BPTF: variants seen among roughly 807,000 people sequenced by gnomAD.
BPTF encodes bromodomain PHD finger transcription factor.
In BPTF, 18 loss-of-function variants were observed where a neutral mutation model predicts 292.5. The ratio of observed to expected loss-of-function variants is 0.06; its 90% CI spans 0.04 to 0.09. The LOEUF is 0.09. Ranked by LOEUF, BPTF falls within the 10% of genes least tolerant of loss-of-function variation. The pLI, the probability that BPTF is intolerant of heterozygous loss-of-function variation, is 1.00. For synonymous variants in BPTF, 1,225 were observed against 1,251.9 expected, an observed-to-expected ratio of 0.98 and a Z score of 0.45; for missense variants, 2,726 against 3,498.7, an observed-to-expected ratio of 0.78 and a Z score of 5.57.
intron 2 of BPTF, among the ~76,000 whole-genome samples, chr17:67,857,112 C>A (rs2058734510): frequency 1.3e-5 from 2 of 149,026 alleles, no homozygotes. Context: ...GTTACCATGT[C>A]TCCCCTACTT....
chr17:67,886,486 A>ATT (rs937682024), intron 4 of BPTF, among the ~76,000 whole-genome samples: 1 of 137,924 alleles, frequency 7.3e-6, no homozygotes, highest in African/African-American at 2.7e-5. Flanking sequence ...TTTATTTTTC[A>ATT]TTTTTTTTTT....
chr17:67,926,326 T>A (rs2063891128), intron 15 of BPTF, among the ~76,000 whole-genome samples: 1 of 123,952 alleles, frequency 8.1e-6, no homozygotes, highest in Admixed American at 7.8e-5. Context: ...CTTTTTTTTT[T>A]TTTTTTTTTT....
chr17:67,828,678 A>C (rs1276368704), intron 1 of BPTF, among the ~76,000 whole-genome samples: 1 of 152,098 alleles, frequency 6.6e-6, no homozygotes, highest in East Asian at 1.9e-4. Flanking sequence ...AAAGGCATGC[A>C]GCACCACGCC....
At position 67,976,691 on chromosome 17, in the gene BPTF, A is replaced by AT. The variant is rs1555694069; in HGVS notation, c.8726+733_8726+734insT. Among the ~76,000 whole-genome samples the AT allele has an allele frequency of 1.4e-3, 52 of 36,522 alleles. 1 individual carries two copies. Among genetic ancestry groups the AT allele is most frequent in the Middle Eastern group, 0.016 (1 of 64 alleles). 24.0% of individuals were successfully genotyped at this position (36,522 alleles called of 152,430 possible). On this transcript the variant is annotated intron_variant, in intron 27 of 27. Transcript: ENST00000306378. The stretch of plus-strand genomic sequence containing the variant: ...ACAGAGTGAGACCCTGTCTCAAAAA[A>AT]AAAAAAAAAAAAAAAAAAAAAAAAT...
chr17:67,873,992 CTGGATGGATGGATGGA>C (rs34261763), intron 3 of BPTF, among the ~76,000 whole-genome samples: 1 of 150,334 alleles, frequency 6.7e-6, no homozygotes, highest in African/African-American at 2.5e-5. Context: ...TAAGAAAATG[CTGGATGGATGGATGGA>C]TGGATGGATG....
chr17:67,827,798 T>G (rs1255612964), intron 1 of BPTF, among the ~76,000 whole-genome samples: 32 of 152,166 alleles, frequency 2.1e-4, no homozygotes, highest in Admixed American at 2.1e-3. Flanking sequence ...TTTTGCCCAG[T>G]GGTCAGAATC....
chr17:67,922,650 AGC>A (rs1418043239), intron 13 of BPTF, among the ~76,000 whole-genome samples, 188 bp from the exon 14 acceptor site: 1 of 151,960 alleles, frequency 6.6e-6, no homozygotes, highest in Non-Finnish European at 1.5e-5. Context: ...ATTGGAACAC[AGC>A]CACATTTACT....
In BPTF at chr17:67,854,629, G is replaced by A; in HGVS notation, c.1303G>A (p.Val435Ile). 1.2e-6 allele frequency: 2 copies of A among 1,614,210 alleles called. No homozygotes were observed. The highest frequency in any genetic ancestry group is 1.7e-6 in the Non-Finnish European group (2 of 1,180,044). ...PEDEWQCEVC[V>I]AHKVPGVTDC... ...GGACGAGTGGCAGTGTGAAGTCTGT[G>A]TAGCACACAAGGTGCCTGGTGTGAC... Residue 435 changes from valine (V) to isoleucine (I), a missense_variant, in exon 2 of 28, where the codon GTA becomes ATA. Around this residue, in one of 22 missense-constraint regions of BPTF, gnomAD observed 22 missense variants for 97.3 expected, o/e 0.23. Transcript: ENST00000306378. This position sits in a 1 kb window ranked among gnomAD's most constrained non-coding sequence, Gnocchi z 5.6.
chr17:67,860,485 A>C (rs1007325136), intron 2 of BPTF, among the ~76,000 whole-genome samples: 13 of 152,200 alleles, frequency 8.5e-5, no homozygotes, highest in African/African-American at 3.1e-4. Flanking sequence ...GCTTATAATA[A>C]AAAAAGCTTC....
chr17:67,891,889 C>T lies in BPTF; in HGVS notation c.1910C>T (p.Ser637Phe). 1 of 1,610,472 alleles carries T rather than the reference C, an allele frequency of 6.2e-7. No homozygotes were observed. Among genetic ancestry groups the T allele is most frequent in the East Asian group, 2.2e-5 (1 of 44,646 alleles). Residue 637 changes from serine (S) to phenylalanine (F), a missense_variant, in exon 5 of 28, where the codon TCT becomes TTT. Around this residue, in one of 22 missense-constraint regions of BPTF, gnomAD observed 187 missense variants for 201.5 expected, o/e 0.93. Transcript: ENST00000306378. ...AAGTCCAACGGGGAGCTAAGTGAATCTCCTGGAGCTGGAAAAGGAGCATCT... is the reference window on the plus strand; with the variant it reads ...AAGTCCAACGGGGAGCTAAGTGAATTTCCTGGAGCTGGAAAAGGAGCATCT... The part of the protein sequence containing the change: ...SEKSNGELSE[S>F]PGAGKGASGS...
At position 67,940,545 on chromosome 17, in the gene BPTF, T is replaced by C. The variant is rs371644151; in HGVS notation, c.6366T>C (p.Thr2122=). The part of the protein sequence containing the change: ...VSSTPGQKSL[T]SATSTSNIQS... The stretch of plus-strand genomic sequence containing the variant: ...CAACACCTGGGCAGAAAAGCTTAAC[T>C]TCAGCAACGTCCACTTCAAATATAC... The change falls in exon 19 of 28, where the codon ACT becomes ACC. Residue 2122 remains threonine, a synonymous_variant. Coordinates refer to ENST00000306378, the MANE Select transcript of BPTF (RefSeq NM_182641.4). The C allele has an allele frequency of 2.5e-5, 40 of 1,613,992 alleles. No homozygotes were observed. The highest frequency in any genetic ancestry group is 3.2e-5 in the Non-Finnish European group (38 of 1,180,024).
intron 3 of BPTF, 69 bp downstream of exon 3, chr17:67,866,756 A>G (rs1273471123): frequency 1.6e-6 from 2 of 1,243,526 alleles, no homozygotes; most frequent in Non-Finnish European, 2.3e-6. Context: ...AAATCACTGC[A>G]AAATTTGAAA....
chr17:67,843,161 C>T (rs1219225661), intron 1 of BPTF, among the ~76,000 whole-genome samples: 7 of 146,310 alleles, frequency 4.8e-5, no homozygotes, highest in Admixed American at 1.4e-4. Flanking sequence ...TATATATCTA[C>T]ATATATAGAT....
intron 1 of BPTF, among the ~76,000 whole-genome samples, chr17:67,852,595 G>A (rs959183445): frequency 2.6e-5 from 4 of 152,072 alleles, no homozygotes; most frequent in African/African-American, 9.7e-5. Flanking sequence ...TACTGAATTT[G>A]ATTCCATTCT....
chr17:67,883,998 C>T (rs749387165), intron 4 of BPTF, among the ~76,000 whole-genome samples: 4 of 152,150 alleles, frequency 2.6e-5, no homozygotes, highest in Admixed American at 6.5e-5. Context: ...TGTTCTACAC[C>T]TTGCTTTTAA....
chr17:67,917,135 T>TCC (rs1236355074), intron 11 of BPTF, among the ~76,000 whole-genome samples: 2 of 118,200 alleles, frequency 1.7e-5, no homozygotes, highest in Admixed American at 7.7e-5. Context: ...ATTGTCCTTT[T>TCC]TTTTTTTTTT....
chr17:67,886,447 T>TG (rs949186960), intron 4 of BPTF: 1 of 573,424 alleles, frequency 1.7e-6, no homozygotes, highest in East Asian at 3.1e-5. Context: ...GAAAGTTTGG[T>TG]GGGGGGTGGA....
chr17:67,928,949 A>G (rs924779487), intron 16 of BPTF: 5 of 1,173,876 alleles, frequency 4.3e-6, no homozygotes, highest in Non-Finnish European at 5.3e-6. Flanking sequence ...AATGTCTTAT[A>G]CCCCATTAGC....
intron 24 of BPTF, chr17:67,960,207 C>T (rs1283750246): frequency 5.1e-6 from 1 of 196,304 alleles, no homozygotes; most frequent in African/African-American, 2.3e-5. Flanking sequence ...TACTGTTGCC[C>T]AAAATGGAGA....
Sources: gnomAD v4.1 joint callset for allele counts (sites outside exome capture counted in the v4.1 genomes callset) on GRCh38, gnomAD v4.1.1 for gene constraint, gnomAD v4.1.1 regional missense constraint, Gnocchi (gnomAD v3.1) non-coding constraint, MANE v1.5 for transcripts, NCBI Gene and HGNC (gene_info 2026-07-23, HGNC 2026-07-21) for gene names.